Variants in ARID5B observed in about 807,000 individuals in gnomAD.
The protein encoded by ARID5B is AT-rich interactive domain-containing protein 5B.
A neutral mutation model predicts 97.2 loss-of-function variants in ARID5B; 13 were observed. That is an observed-to-expected ratio of 0.13 (90% confidence interval 0.09 to 0.21). The LOEUF is 0.21. Among genes scored for constraint, ARID5B ranks in the 10% least tolerant of loss-of-function variants. The probability of loss-of-function intolerance (pLI) is 1.00; values close to 1 mark genes in which losing one functional copy is unlikely to be tolerated. For synonymous variants in ARID5B, 556 were observed against 570.3 expected, an observed-to-expected ratio of 0.97 and a Z score of 0.36; for missense variants, 1,210 against 1,465.3, an observed-to-expected ratio of 0.83 and a Z score of 2.84.
rs191078356 is a variant in ARID5B at position 62,073,858 on chromosome 10, A to G, written c.1199+4061A>G. ...TGTAGCTTTTGATGCAAAGAAAAAT[A>G]CCCACCTCATTCTTTCTAAGTGGAA... is the stretch of plus-strand genomic sequence containing the variant. On this transcript the variant is annotated intron_variant, in intron 8 of 9. Transcript: ENST00000279873. Among the ~76,000 whole-genome samples the G allele has an allele frequency of 2.0e-5, 3 of 152,316 alleles. No individual in the cohort carries two copies. In the East Asian group the frequency reaches 5.8e-4, roughly 29 times the overall value.
chr10:61,937,298 T>C (rs551786348), intron 2 of ARID5B, among the ~76,000 whole-genome samples: 1 of 152,286 alleles, frequency 6.6e-6, no homozygotes, highest in East Asian at 1.9e-4. Flanking sequence ...TCTGGGTATT[T>C]TTGCCTAAAG....
rs1440654186 is a variant in ARID5B, at chr10:62,090,888, A to G, written c.1425A>G (p.Gln475=). 5 of 1,589,712 alleles carry G rather than the reference A, an allele frequency of 3.1e-6. No homozygotes were observed. In the African/African-American group the frequency reaches 5.5e-5, roughly 17 times the overall value. ...AEVSSEQEKE[Q]ETLISQKSIP... Reference sequence around the variant, plus strand: ...TTTCATCAGAGCAAGAAAAAGAACAAGAGACTTTAATAAGCCAGAAAAGCA... The same window carrying G: ...TTTCATCAGAGCAAGAAAAAGAACAGGAGACTTTAATAAGCCAGAAAAGCA... The change falls in exon 10 of 10, where the codon CAA becomes CAG. Residue 475 remains glutamine (Q), a synonymous_variant. Coordinates refer to ENST00000279873, the MANE Select transcript of ARID5B (RefSeq NM_032199.3).
At chr10:62,023,525 G>A (rs1230522143) in intron 4 of ARID5B, among the ~76,000 whole-genome samples, 1 of 152,188 alleles carries the variant, frequency 6.6e-6, no homozygotes, top group Non-Finnish European at 1.5e-5. Flanking sequence ...AAGTACTGCA[G>A]AGCTGAAGGA....
intron 2 of ARID5B, among the ~76,000 whole-genome samples, chr10:61,932,252 C>T (rs1425830081): frequency 6.6e-6 from 1 of 151,958 alleles, no homozygotes; most frequent in Non-Finnish European, 1.5e-5. Flanking sequence ...ACCTTATTGC[C>T]AATAAATGCT....
At chr10:61,908,186 G>A (rs1457219085) in intron 2 of ARID5B, among the ~76,000 whole-genome samples, 2 of 152,124 alleles carry the variant, frequency 1.3e-5, no homozygotes, top group East Asian at 1.9e-4. Context: ...TATTAGTATT[G>A]TCTATTTTGA....
intron 2 of ARID5B, among the ~76,000 whole-genome samples, chr10:61,903,576 A>C (rs889136374): frequency 3.9e-5 from 6 of 152,194 alleles, no homozygotes; most frequent in African/African-American, 1.4e-4. Flanking sequence ...CAGGGTAATC[A>C]AACAGACTTT....
intron 4 of ARID5B, among the ~76,000 whole-genome samples, chr10:62,007,665 A>G (rs1245144121): frequency 6.6e-6 from 1 of 152,176 alleles, no homozygotes; most frequent in Non-Finnish European, 1.5e-5. Flanking sequence ...CCTTAACCAC[A>G]TACTGGTTCT....
rs752214817 is a variant in ARID5B, at chr10:62,085,692, A to T, written c.1200-10A>T. ...CAACTGACCGATCATCTCTTCTGTT[A>T]ACCTTTTAGATTAATCCTACCATAT... On this transcript the variant is annotated splice_polypyrimidine_tract_variant and intron_variant, in intron 8 of 9. Coordinates refer to ENST00000279873, the MANE Select transcript of ARID5B (RefSeq NM_032199.3). The T allele has an allele frequency of 6.3e-7, 1 of 1,595,322 alleles. No homozygotes were observed. Among genetic ancestry groups the T allele is most frequent in the South Asian group, 1.1e-5 (1 of 87,360 alleles).
At chr10:61,917,300 T>C (rs549945846) in intron 2 of ARID5B, among the ~76,000 whole-genome samples, 1 of 152,246 alleles carries the variant, frequency 6.6e-6, no homozygotes, top group Non-Finnish European at 1.5e-5. Flanking sequence ...TAGATTTTCA[T>C]GTGATTTTAG....
chr10:61,948,187 G>A (rs576927501), intron 3 of ARID5B, among the ~76,000 whole-genome samples: 1 of 152,130 alleles, frequency 6.6e-6, no homozygotes, highest in Non-Finnish European at 1.5e-5. Context: ...GAGTAATGGA[G>A]TACAAGAATC....
In ARID5B at chr10:62,091,554, C is replaced by T; in HGVS notation, c.2091C>T (p.Ser697=). The T allele has an allele frequency of 6.2e-7, 1 of 1,613,138 alleles. No individual in the cohort carries two copies. The highest frequency in any genetic ancestry group is 8.5e-7 in the Non-Finnish European group (1 of 1,179,592). The change falls in exon 10 of 10, where the codon TCC becomes TCT. Residue 697 remains serine, a synonymous_variant. Coordinates refer to ENST00000279873, the MANE Select transcript of ARID5B (RefSeq NM_032199.3). ...MSPLAKKKLL[S]QVSGASLSSS... ...CACTGGCCAAGAAAAAGCTTTTGTC[C>T]CAAGTGAGTGGGGCCAGCCTCTCCA...
chr10:62,006,217 G>A (rs1839144473), intron 4 of ARID5B, among the ~76,000 whole-genome samples: 1 of 152,140 alleles, frequency 6.6e-6, no homozygotes, highest in Admixed American at 6.5e-5. Flanking sequence ...TGAGGCAGGT[G>A]GATCACCAGA....
chr10:62,087,095 C>T (rs1415565006), intron 9 of ARID5B, among the ~76,000 whole-genome samples: 5 of 151,682 alleles, frequency 3.3e-5, no homozygotes, highest in Non-Finnish European at 7.4e-5. Context: ...GTCAGGAGAT[C>T]GAGAGCATCC....
chr10:62,036,784 G>A (rs1448801513), intron 4 of ARID5B, among the ~76,000 whole-genome samples: 1 of 152,186 alleles, frequency 6.6e-6, no homozygotes, highest in African/African-American at 2.4e-5. Flanking sequence ...ACAGAAACCA[G>A]AGTCTGTCGC....
chr10:61,929,822 T>C (rs988452223), intron 2 of ARID5B, among the ~76,000 whole-genome samples: 2 of 152,240 alleles, frequency 1.3e-5, no homozygotes, highest in African/African-American at 4.8e-5. Context: ...GACGCCTTTA[T>C]TCTCCACCCA....
intron 3 of ARID5B, among the ~76,000 whole-genome samples, chr10:61,944,207 G>A (rs1201185736): frequency 6.6e-6 from 1 of 151,918 alleles, no homozygotes; most frequent in Non-Finnish European, 1.5e-5. Flanking sequence ...AAATAACTAT[G>A]TTAAAATAGG....
intron 3 of ARID5B, among the ~76,000 whole-genome samples, chr10:61,967,553 A>G (rs1205930966): frequency 1.3e-5 from 2 of 152,212 alleles, no homozygotes; most frequent in Non-Finnish European, 2.9e-5. Context: ...CTACAGCAAA[A>G]AAGTTCTTTT....
chr10:61,988,510 T>C (rs1197758331), intron 3 of ARID5B, among the ~76,000 whole-genome samples: 1 of 152,242 alleles, frequency 6.6e-6, no homozygotes, highest in African/African-American at 2.4e-5. Context: ...CGAGAATCTC[T>C]ACTAAAATAA....
At chr10:62,076,310 C>A (rs978529811) in intron 8 of ARID5B, among the ~76,000 whole-genome samples, 1 of 152,078 alleles carries the variant, frequency 6.6e-6, no homozygotes, top group Non-Finnish European at 1.5e-5. Flanking sequence ...GAGGCCGAGG[C>A]GGGCAGATGA....
Sources: allele counts gnomAD v4.1 joint callset (sites outside exome capture counted in the v4.1 genomes callset), GRCh38; gene constraint gnomAD v4.1.1; transcripts MANE v1.5; gene names NCBI Gene and HGNC (gene_info 2026-07-23, HGNC 2026-07-21).